Variants in PPP1R13B observed in about 807,000 individuals in gnomAD.
The protein encoded by PPP1R13B is apoptosis-stimulating of p53 protein 1.
Under a neutral mutation model 119.8 loss-of-function variants are expected in PPP1R13B, and 44 were observed. That is an observed-to-expected ratio of 0.37 (90% CI 0.29 to 0.47). The LOEUF is 0.47. Among genes scored for constraint, PPP1R13B ranks in the 20% least tolerant of loss-of-function variants. The probability of loss-of-function intolerance (pLI) is 0.99; values close to 1 mark genes in which losing one functional copy is unlikely to be tolerated. For synonymous variants in PPP1R13B, 542 were observed against 561.5 expected (o/e 0.97, Z 0.49); for missense variants, 1,227 against 1,413.5 (o/e 0.87, Z 2.12).
intron 12 of PPP1R13B, chr14:103,739,246 G>A (rs1216568859): frequency 3.6e-6 from 2 of 557,680 alleles, no homozygotes; most frequent in Non-Finnish European, 6.2e-6. Flanking sequence ...CTGAGTCCCT[G>A]GCTCACGCAC....
intron 1 of PPP1R13B, among the ~76,000 whole-genome samples, chr14:103,843,215 T>G (rs1202961363): frequency 6.7e-6 from 1 of 148,168 alleles, no homozygotes; most frequent in African/African-American, 2.5e-5. Context: ...CTACCAAAAA[T>G]TTGAAAAAAT....
intron 2 of PPP1R13B, among the ~76,000 whole-genome samples, chr14:103,797,055 C>A (rs894745736): frequency 7.0e-6 from 1 of 143,880 alleles, no homozygotes. Context: ...ACAGCCCAAA[C>A]ATCTATCACT....
chr14:103,840,296 C>A (rs1296226710), intron 1 of PPP1R13B, among the ~76,000 whole-genome samples: 1 of 152,246 alleles, frequency 6.6e-6, no homozygotes, highest in African/African-American at 2.4e-5. Context: ...CAAACACATA[C>A]AAACGCATGT....
intron 1 of PPP1R13B, among the ~76,000 whole-genome samples, chr14:103,814,206 G>C (rs1431212622): frequency 6.6e-6 from 1 of 151,988 alleles, no homozygotes; most frequent in South Asian, 2.1e-4. Flanking sequence ...AATATTAGCC[G>C]GGCATGGTGG....
At chr14:103,768,979 T>C (rs2085001810) in intron 4 of PPP1R13B, among the ~76,000 whole-genome samples, 1 of 152,250 alleles carries the variant, frequency 6.6e-6, no homozygotes, top group South Asian at 2.1e-4. Context: ...GTATCTTATC[T>C]TGTAATTTAA....
At chr14:103,778,702 A>G (rs2085268775) in intron 4 of PPP1R13B, 43 bp downstream of exon 4, 1 of 1,516,178 alleles carries the variant, frequency 6.6e-7, no homozygotes, top group Non-Finnish European at 9.2e-7. Context: ...CACTGCACCT[A>G]GCCATCAATT....
intron 1 of PPP1R13B, among the ~76,000 whole-genome samples, chr14:103,802,546 C>T (rs1314191908): frequency 6.6e-6 from 1 of 152,208 alleles, no homozygotes; most frequent in Non-Finnish European, 1.5e-5. Context: ...GCTCTCAACG[C>T]TCTGAGCTAG....
Position 103,734,531 on chromosome 14 carries a change from T to C in PPP1R13B, c.*623A>G. The C allele has an allele frequency of 2.2e-6, 1 of 456,216 alleles. No homozygotes were observed. Among genetic ancestry groups the C allele is most frequent in the South Asian group, 1.5e-5 (1 of 64,548 alleles). 28.3% of individuals were successfully genotyped at this position (456,216 alleles called of 1,614,324 possible). On this transcript the variant is annotated 3_prime_UTR_variant, in exon 17 of 17. Coordinates refer to ENST00000202556, the MANE Select transcript of PPP1R13B (RefSeq NM_015316.3). ...CCGTGGCGCGGCAGTCCAGCCACAG[T>C]GCTGGGCCTGCACAATCAGCCTTTA... is the stretch of plus-strand genomic sequence containing the variant.
intron 1 of PPP1R13B, among the ~76,000 whole-genome samples, chr14:103,831,935 CA>C (rs561250188): frequency 2.0e-5 from 3 of 148,398 alleles, no homozygotes; most frequent in South Asian, 2.2e-4. Context: ...GAATCCATCA[CA>C]AAAAAAAACA....
chr14:103,738,994 G>A lies in PPP1R13B; in HGVS notation c.2622C>T (p.Asn874=), dbSNP rs897472444. Residue 874 remains asparagine (N), a synonymous_variant, in exon 13 of 17, where the codon AAC becomes AAT. Transcript: ENST00000202556. This position sits in a 1 kb window ranked among gnomAD's most constrained non-coding sequence, Gnocchi z 5.6. ...TNKRTNLKKP[N]SERTGHGLRV... Reference sequence around the variant, plus strand: ...TCAGCCCGTGCCCCGTCCGCTCCGAGTTGGGCTTCTTCAAGTTGGTCCGCT... The same window carrying A: ...TCAGCCCGTGCCCCGTCCGCTCCGAATTGGGCTTCTTCAAGTTGGTCCGCT... 1 of 1,613,874 alleles carries A rather than the reference G, an allele frequency of 6.2e-7. No homozygotes were observed. The highest frequency in any genetic ancestry group is 1.3e-5 in the African/African-American group (1 of 74,940).
chr14:103,843,602 C>A (rs1462744456), intron 1 of PPP1R13B, among the ~76,000 whole-genome samples: 2 of 151,976 alleles, frequency 1.3e-5, no homozygotes, highest in African/African-American at 4.8e-5. Context: ...CTACCAATAA[C>A]AACAACAAAA....
intron 4 of PPP1R13B, among the ~76,000 whole-genome samples, chr14:103,760,184 AAAG>A (rs554230091): frequency 2.0e-5 from 3 of 152,236 alleles, no homozygotes; most frequent in Non-Finnish European, 2.9e-5. Flanking sequence ...ATTTGGGAAA[AAAG>A]AAGCACTTTT....
At chr14:103,773,170 T>C (rs1010140909) in intron 4 of PPP1R13B, among the ~76,000 whole-genome samples, 9 of 151,966 alleles carry the variant, frequency 5.9e-5, no homozygotes, top group Admixed American at 4.6e-4. Flanking sequence ...ATTCACTAAC[T>C]GAAAGATGAA....
At chr14:103,816,375 C>T (rs946678675) in intron 1 of PPP1R13B, among the ~76,000 whole-genome samples, 8 of 143,182 alleles carry the variant, frequency 5.6e-5, no homozygotes, top group Non-Finnish European at 1.2e-4. Flanking sequence ...CCAGGCTGGT[C>T]TTGAACTCCA....
chr14:103,830,878 T>C (rs2086651100), intron 1 of PPP1R13B, among the ~76,000 whole-genome samples: 1 of 151,864 alleles, frequency 6.6e-6, no homozygotes, highest in African/African-American at 2.4e-5. Context: ...AGAGACTTAG[T>C]ATTAAAAAAA....
At chr14:103,766,499 TG>T (rs1234300767) in intron 4 of PPP1R13B, among the ~76,000 whole-genome samples, 3 of 152,214 alleles carry the variant, frequency 2.0e-5, no homozygotes, top group Non-Finnish European at 2.9e-5. Context: ...GGCTGCAGCT[TG>T]GTATCCGTGG....
chr14:103,815,464 ACAC>A (rs1207786686), intron 1 of PPP1R13B, among the ~76,000 whole-genome samples: 1 of 152,198 alleles, frequency 6.6e-6, no homozygotes, highest in Non-Finnish European at 1.5e-5. Flanking sequence ...TATTTAAAAA[ACAC>A]AAACACAGGC....
In PPP1R13B at chr14:103,788,026, T is replaced by C. The variant is rs191886463; in HGVS notation, c.158-3112A>G. Among the ~76,000 whole-genome samples, 166 of 151,878 alleles carry C rather than the reference T, an allele frequency of 1.1e-3. 2 individuals are homozygous for C. The highest frequency in any genetic ancestry group is 3.9e-4 in the East Asian group (2 of 5,140). On this transcript the variant is annotated intron_variant, in intron 2 of 16. Coordinates refer to ENST00000202556, the MANE Select transcript of PPP1R13B (RefSeq NM_015316.3). ...GACTAGAGAGGCTGAGGCAGGAGGA[T>C]TGCTTGAGCCCAGGAGGTTGAAGCT...
At chr14:103,735,953 G>T in intron 16 of PPP1R13B, 50 bp downstream of exon 16, 2 of 1,597,506 alleles carry the variant, frequency 1.3e-6, no homozygotes, top group Non-Finnish European at 1.7e-6. Context: ...ACCGCATGCT[G>T]TACAGAGACA....
Sources: gnomAD v4.1 joint callset for allele counts (sites outside exome capture counted in the v4.1 genomes callset) on GRCh38, gnomAD v4.1.1 for gene constraint, Gnocchi (gnomAD v3.1) non-coding constraint, MANE v1.5 for transcripts, NCBI Gene and HGNC (gene_info 2026-07-23, HGNC 2026-07-21) for gene names.